NRXN1: variants seen among roughly 807,000 people sequenced by gnomAD.
NRXN1 encodes the protein neurexin 1.
Under a neutral mutation model 150.9 loss-of-function variants are expected in NRXN1, and 39 were observed. That is an observed-to-expected ratio of 0.26 (90% CI 0.20 to 0.34). The LOEUF (loss-of-function observed/expected upper bound fraction) is 0.34, where lower values mean the gene tolerates loss of function less well. Ranked by LOEUF, NRXN1 falls within the 10% of genes least tolerant of loss-of-function variation. NRXN1 has a pLI of 1.00. For synonymous variants in NRXN1, 924 were observed against 757.0 expected (o/e 1.22, Z -3.62); for missense variants, 1,815 against 1,949.9 (o/e 0.93, Z 1.30).
intron 5 of NRXN1, among the ~76,000 whole-genome samples, chr2:50,761,253 G>C (rs1358713843): frequency 2.6e-5 from 4 of 151,778 alleles, no homozygotes; most frequent in African/African-American, 7.3e-5. Flanking sequence ...GTTATGATTT[G>C]GCTGTGTTCC....
At chr2:50,387,661 T>C (rs140239082) in intron 17 of NRXN1, among the ~76,000 whole-genome samples, 2 of 152,292 alleles carry the variant, frequency 1.3e-5, no homozygotes, top group African/African-American at 2.4e-5. Context: ...AGGAACAGTA[T>C]GAAGAAATAA....
chr2:50,596,862 A>AATTT (rs1675309459), intron 8 of NRXN1, among the ~76,000 whole-genome samples: 1 of 62,958 alleles, frequency 1.6e-5, no homozygotes, highest in African/African-American at 4.9e-5. Context: ...AATTCCTAGG[A>AATTT]CTTTTTTTTT....
Position 51,028,333 on chromosome 2 carries a change from A to T in NRXN1, c.-60T>A, listed in dbSNP as rs1474358394. On this transcript the variant is annotated 5_prime_UTR_variant, in exon 2 of 23. Coordinates refer to ENST00000401669, the MANE Select transcript of NRXN1 (RefSeq NM_001330078.2). ...GCCGACAGGGTCAAAATGGTCCTGG[A>T]CACCGTGACGAAGAAATAAGGGTCC... 4 of 1,182,822 alleles carry T rather than the reference A, an allele frequency of 3.4e-6. No individual in the cohort carries two copies. In the South Asian group the frequency reaches 7.5e-5, roughly 22 times the overall value. The allele number at this position is 1,182,822 out of a possible 1,614,324, so 73.3% of individuals were successfully genotyped here. A position where few individuals can be genotyped will look rare whatever the true frequency, so the allele number is the denominator to read the frequency against.
chr2:50,881,497 G>T (rs748659994), intron 5 of NRXN1, among the ~76,000 whole-genome samples: 20 of 151,880 alleles, frequency 1.3e-4, no homozygotes, highest in Non-Finnish European at 2.5e-4. Flanking sequence ...TAAACATTAA[G>T]AAGCTTTGTT....
At chr2:50,477,391 G>C (rs1030695298) in intron 15 of NRXN1, among the ~76,000 whole-genome samples, 1 of 152,164 alleles carries the variant, frequency 6.6e-6, no homozygotes, top group Non-Finnish European at 1.5e-5. Flanking sequence ...ATTTGAGTAG[G>C]AACATCCTAG....
chr2:50,993,066 A>G (rs1698767681), intron 2 of NRXN1, among the ~76,000 whole-genome samples: 1 of 152,018 alleles, frequency 6.6e-6, no homozygotes, highest in Non-Finnish European at 1.5e-5. Context: ...TACAAAGAGT[A>G]GAATAATCAC....
At chr2:50,084,341 C>T (rs1174216504) in intron 19 of NRXN1, among the ~76,000 whole-genome samples, 5 of 152,276 alleles carry the variant, frequency 3.3e-5, no homozygotes, top group African/African-American at 4.8e-5. Context: ...CTGCAGGTTC[C>T]GAGCCCTGCC....
At chr2:50,899,575 T>A (rs546784611) in intron 5 of NRXN1, among the ~76,000 whole-genome samples, 46 of 152,194 alleles carry the variant, frequency 3.0e-4, no homozygotes, top group East Asian at 1.7e-3. Flanking sequence ...GAAAATTTTT[T>A]AAAAAATTTA....
chr2:50,271,225 GT>G (rs1301202374), intron 17 of NRXN1, among the ~76,000 whole-genome samples: 1 of 152,154 alleles, frequency 6.6e-6, no homozygotes, highest in Non-Finnish European at 1.5e-5. Context: ...CTCTTGTGGA[GT>G]CTGATAATTG....
chr2:50,054,257 A>C (rs75541988), intron 20 of NRXN1, among the ~76,000 whole-genome samples: 1 of 146,920 alleles, frequency 6.8e-6, no homozygotes, highest in Non-Finnish European at 1.5e-5. Flanking sequence ...AAAAAAAAAA[A>C]TAGCTTCAGA....
chr2:50,757,663 G>C (rs1472157682), intron 5 of NRXN1, among the ~76,000 whole-genome samples: 1 of 151,642 alleles, frequency 6.6e-6, no homozygotes, highest in Non-Finnish European at 1.5e-5. Context: ...ACTGAATTTA[G>C]ACAACTTTAT....
At chr2:50,715,067 A>G (rs1437685601) in intron 5 of NRXN1, among the ~76,000 whole-genome samples, 7 of 152,170 alleles carry the variant, frequency 4.6e-5, no homozygotes, top group Non-Finnish European at 5.9e-5. Context: ...AATCATGAAT[A>G]AGCCATTATT....
intron 5 of NRXN1, among the ~76,000 whole-genome samples, chr2:50,802,393 G>A (rs1220431274): frequency 6.6e-6 from 1 of 152,102 alleles, no homozygotes; most frequent in Non-Finnish European, 1.5e-5. Context: ...TTGGGAGGCT[G>A]AGGCAGGAGA....
intron 21 of NRXN1, among the ~76,000 whole-genome samples, chr2:49,960,517 T>C (rs1675740645): frequency 6.6e-6 from 1 of 152,168 alleles, no homozygotes; most frequent in Admixed American, 6.5e-5. Flanking sequence ...GAATATCACA[T>C]TAATTTCCTC....
At chr2:50,735,690 G>A (rs997690145) in intron 5 of NRXN1, among the ~76,000 whole-genome samples, 2 of 151,896 alleles carry the variant, frequency 1.3e-5, no homozygotes, top group African/African-American at 4.8e-5. Context: ...CCCTCAATTA[G>A]TCCCATACCC....
intron 17 of NRXN1, among the ~76,000 whole-genome samples, chr2:50,387,886 C>T (rs994790183): frequency 2.0e-5 from 3 of 152,306 alleles, no homozygotes; most frequent in Non-Finnish European, 2.9e-5. Flanking sequence ...AAAACACTCA[C>T]TGTGGACAAT....
chr2:50,183,863 T>C (rs946623524), intron 18 of NRXN1, among the ~76,000 whole-genome samples: 2 of 151,966 alleles, frequency 1.3e-5, no homozygotes, highest in Non-Finnish European at 2.9e-5. Context: ...TTCTAAACCA[T>C]GGTTTTCACC....
chr2:50,765,923 A>G (rs183639819), intron 5 of NRXN1, among the ~76,000 whole-genome samples: 1 of 152,142 alleles, frequency 6.6e-6, no homozygotes, highest in Admixed American at 6.5e-5. Flanking sequence ...AACACATGAG[A>G]AACTATAGTG....
At chr2:50,736,638 C>A (rs1036816434) in intron 5 of NRXN1, among the ~76,000 whole-genome samples, 1 of 152,014 alleles carries the variant, frequency 6.6e-6, no homozygotes, top group African/African-American at 2.4e-5. Flanking sequence ...GGGGAGAAAC[C>A]CCTTTTGCTT....
Sources: allele counts gnomAD v4.1 joint callset (sites outside exome capture counted in the v4.1 genomes callset), GRCh38; gene constraint gnomAD v4.1.1; transcripts MANE v1.5; gene names NCBI Gene and HGNC (gene_info 2026-07-23, HGNC 2026-07-21).